The following CTSZ variants were observed in gnomAD, a reference collection of about 807,000 sequenced individuals.
CTSZ encodes the protein carboxypeptidase LB.
CTSZ carries 39 observed loss-of-function variants against 32.4 expected under a neutral mutation model. That is an observed-to-expected ratio of 1.20 (90% CI 0.93 to 1.57). CTSZ has a LOEUF of 1.57. Among genes scored for constraint, CTSZ ranks in the 40% most tolerant of loss-of-function variants. The pLI is 0.00. For missense variants in CTSZ, 397 were observed against 419.6 expected (o/e 0.95, Z 0.47); for synonymous variants, 168 against 170.1 (o/e 0.99, Z 0.10).
chr20:59,007,149 G>GTCCCGCTCCGGA lies in CTSZ; in HGVS notation c.-33_-22dup, dbSNP rs772812232. On this transcript the variant is annotated 5_prime_UTR_variant, in exon 1 of 6. Transcript: ENST00000217131. ...GCCATGGCCCCGCGCCGGCTCCTGG[G>GTCCCGCTCCGGA]TCCCGCTCCGGATCCCGCTCCGAGT... 5.7e-5 allele frequency: 75 copies of GTCCCGCTCCGGA among 1,326,402 alleles called. No homozygotes were observed. The highest frequency in any genetic ancestry group is 6.7e-5 in the Non-Finnish European group (70 of 1,046,666). The allele number at this position is 1,326,402 out of a possible 1,614,324, so 82.2% of individuals were successfully genotyped here. A position where few individuals can be genotyped will look rare whatever the true frequency, so the allele number is the denominator to read the frequency against.
At chr20:58,996,910 A>G (rs1483737114) in intron 4 of CTSZ, 109 bp from the exon 5 acceptor site, 6 of 1,266,088 alleles carry the variant, frequency 4.7e-6, no homozygotes, top group Non-Finnish European at 5.5e-6. Flanking sequence ...TAATTCCAGC[A>G]CTTTGGGAGG....
rs370129546 is a variant in CTSZ, at chr20:58,995,736, G to A, written c.825C>T (p.Ile275=). 9.3e-6 allele frequency: 15 copies of A among 1,614,078 alleles called. No individual in the cohort carries two copies. In the African/African-American group the frequency reaches 1.3e-4, roughly 14 times the overall value. ...TCCCATCCTTATAGGTGCTGGTCAC[G>A]ATCCTCAGCCAGCCTCTCTCGCCCT... ...EPWGERGWLR[I]VTSTYKDGKG... The change falls in exon 6 of 6, where the codon ATC becomes ATT. Residue 275 remains isoleucine, a synonymous_variant. Transcript: ENST00000217131.
At chr20:59,003,006 G>A (rs949922156) in intron 2 of CTSZ, among the ~76,000 whole-genome samples, 2 of 152,024 alleles carry the variant, frequency 1.3e-5, no homozygotes, top group Non-Finnish European at 2.9e-5. Flanking sequence ...ACAGTGCCCC[G>A]ACCCCTACTG....
rs1270547774 is a variant in CTSZ, at chr20:59,004,677, A to G, written c.307+1645T>C. On this transcript the variant is annotated intron_variant, in intron 2 of 5. Coordinates refer to ENST00000217131, the MANE Select transcript of CTSZ (RefSeq NM_001336.4). This position sits in a 1 kb window ranked among gnomAD's most constrained non-coding sequence, Gnocchi z 5.6. ...CAGTTGATCCTGGGGGAGAGGAGGGAAGACAAATGGAGGACCTGCTGCCTT... is the reference window on the plus strand; with the variant it reads ...CAGTTGATCCTGGGGGAGAGGAGGGGAGACAAATGGAGGACCTGCTGCCTT... Among the ~76,000 whole-genome samples the G allele has an allele frequency of 6.6e-6, 1 of 151,922 alleles. No individual in the cohort carries two copies. The highest frequency in any genetic ancestry group is 1.5e-5 in the Non-Finnish European group (1 of 67,948).
chr20:59,002,054 C>G lies in CTSZ; in HGVS notation c.308-410G>C, dbSNP rs926014302. Among the ~76,000 whole-genome samples the G allele has an allele frequency of 1.3e-5, 2 of 152,272 alleles. No homozygotes were observed. Among genetic ancestry groups the G allele is most frequent in the African/African-American group, 4.8e-5 (2 of 41,476 alleles). ...AGCCAGGAGAGACCGTCCCTGCCCT[C>G]GTGGACAGGGGGCCAAGGTGTCAGC... On this transcript the variant is annotated intron_variant, in intron 2 of 5. Coordinates refer to ENST00000217131, the MANE Select transcript of CTSZ (RefSeq NM_001336.4). This position sits in a 1 kb window ranked among gnomAD's most constrained non-coding sequence, Gnocchi z 4.1.
Position 58,995,657 on chromosome 20 carries a change from T to C in CTSZ, c.904A>G (p.Ile302Val). 5 of 1,614,054 alleles carry C rather than the reference T, an allele frequency of 3.1e-6. No homozygotes were observed. The highest frequency in any genetic ancestry group is 4.2e-6 in the Non-Finnish European group (5 of 1,179,942). ...IEEHCTFGDPIV is the reference protein window; with the variant it reads ...IEEHCTFGDPVV ...CTTCTAGTGACATGGCCTTAAACGA[T>C]GGGGTCCCCAAATGTACAGTGCTCC... The change falls in exon 6 of 6, where the codon ATC becomes GTC. Residue 302 changes from isoleucine to valine, a missense_variant. Transcript: ENST00000217131.
chr20:58,996,491 C>T, intron 5 of CTSZ, 148 bp downstream of exon 5: 1 of 808,892 alleles, frequency 1.2e-6, no homozygotes, highest in South Asian at 1.6e-5. Context: ...CCCCAAAAGC[C>T]ACTCGCGCGG....
At chr20:58,997,832 TCC>T in intron 3 of CTSZ, 79 bp from the exon 4 acceptor site, 1 of 1,319,426 alleles carries the variant, frequency 7.6e-7, no homozygotes, top group Admixed American at 2.2e-5. Context: ...AAGCCCACTC[TCC>T]ACTCTCATCA....
chr20:59,004,850 GTCCCCTGGGGAA>G lies in CTSZ; in HGVS notation c.307+1460_307+1471del, dbSNP rs1322348054. Among the ~76,000 whole-genome samples the G allele has an allele frequency of 1.3e-5, 2 of 152,026 alleles. No individual in the cohort carries two copies. Among genetic ancestry groups the G allele is most frequent in the Admixed American group, 6.5e-5 (1 of 15,272 alleles). ...TGAAGCAGTCATCCGCCCAGAGAGA[GTCCCCTGGGGAA>G]ATGCGGCAGGGCTGACCCCTGGCCA... is the stretch of plus-strand genomic sequence containing the variant. On this transcript the variant is annotated intron_variant, in intron 2 of 5. Coordinates refer to ENST00000217131, the MANE Select transcript of CTSZ (RefSeq NM_001336.4). The surrounding 1 kb of genome is among the most constrained non-coding windows in gnomAD (Gnocchi z 5.6).
rs987867587 is a variant in CTSZ at position 59,007,183 on chromosome 20, C to T, written c.-55G>A. On this transcript the variant is annotated 5_prime_UTR_variant, in exon 1 of 6. Transcript: ENST00000217131. ...CGGATCCCGCTCCGAGTCCCAGATC[C>T]CGCGCCGGCTCCCGCTCTGGATCCC... The T allele has an allele frequency of 5.4e-6, 7 of 1,297,382 alleles. No homozygotes were observed. The highest frequency in any genetic ancestry group is 5.8e-6 in the Non-Finnish European group (6 of 1,030,124). 80.4% of individuals were successfully genotyped at this position (1,297,382 alleles called of 1,614,324 possible).
rs772171555 is a variant in CTSZ at position 58,996,761 on chromosome 20, C to T, written c.679G>A (p.Gly227Arg). 6.3e-5 allele frequency: 102 copies of T among 1,614,170 alleles called. 1 individual carries two copies. In the East Asian group the frequency reaches 1.4e-3, roughly 23 times the overall value. The change falls in exon 5 of 6, where the codon GGA becomes AGA. Residue 227 changes from glycine to arginine, a missense_variant. Physicochemically the swap from Gly to Arg is moderately radical, Grantham distance 125. Coordinates refer to ENST00000217131, the MANE Select transcript of CTSZ (RefSeq NM_001336.4). ...TCCTGGTATTCGGCATAGATGCCTCCGGTGTAGTTAGCCAGTCTTTCTGTT... is the reference window on the plus strand; with the variant it reads ...TCCTGGTATTCGGCATAGATGCCTCTGGTGTAGTTAGCCAGTCTTTCTGTT... ...MATERLANYT[G>R]GIYAEYQDTT...
chr20:58,995,752 C>T lies in CTSZ; in HGVS notation c.809G>A (p.Arg270Lys). ...RNSWGEPWGE[R>K]GWLRIVTSTY... ...GCTGGTCACGATCCTCAGCCAGCCT[C>T]TCTCGCCCTGTGAGAAGTGGGATCG... Residue 270 changes from arginine (R) to lysine (K), a missense_variant, in exon 6 of 6, where the codon AGA becomes AAA. Transcript: ENST00000217131. 1 of 1,614,100 alleles carries T rather than the reference C, an allele frequency of 6.2e-7. No homozygotes were observed. Among genetic ancestry groups the T allele is most frequent in the Non-Finnish European group, 8.5e-7 (1 of 1,179,990 alleles).
chr20:58,996,046 C>G (rs377446554), intron 5 of CTSZ, among the ~76,000 whole-genome samples: 1 of 152,240 alleles, frequency 6.6e-6, no homozygotes, highest in African/African-American at 2.4e-5. Flanking sequence ...CCAGCTACTA[C>G]TACCCCCATT....
intron 3 of CTSZ, among the ~76,000 whole-genome samples, chr20:59,000,469 A>G (rs2091884158): frequency 6.6e-6 from 1 of 152,230 alleles, no homozygotes; most frequent in Non-Finnish European, 1.5e-5. Flanking sequence ...GAGCAGCCTG[A>G]AAGGAATGTG....
rs201081465 is a variant in CTSZ at position 58,997,692 on chromosome 20, C to A, written c.549G>T (p.Arg183=). 2 of 1,610,758 alleles carry A rather than the reference C, an allele frequency of 1.2e-6. No individual in the cohort carries two copies. Among genetic ancestry groups the A allele is most frequent in the Admixed American group, 1.7e-5 (1 of 59,464 alleles). Residue 183 remains arginine (R), a synonymous_variant, in exon 4 of 6, where the codon CGG becomes CGT. Transcript: ENST00000217131. ...CTCCCACCCTCCAGAGGGTGTAGTTCCGGATGGCGTGGCACTCTTTGAATT... is the reference window on the plus strand; with the variant it reads ...CTCCCACCCTCCAGAGGGTGTAGTTACGGATGGCGTGGCACTCTTTGAATT... The part of the protein sequence containing the change: ...CNEFKECHAI[R]NYTLWRVGDY...
intron 2 of CTSZ, 22 bp from the exon 3 acceptor site, chr20:59,001,666 A>C (rs2146364084): frequency 6.2e-7 from 1 of 1,606,844 alleles, no homozygotes; most frequent in East Asian, 2.2e-5. Context: ...AGCACCTGCC[A>C]GTCAGCACTC....
chr20:58,997,037 G>A (rs1418747110), intron 4 of CTSZ, among the ~76,000 whole-genome samples: 1 of 151,870 alleles, frequency 6.6e-6, no homozygotes, highest in Non-Finnish European at 1.5e-5. Context: ...TGCGCCAGTA[G>A]TCCCAGCTAC....
At chr20:58,997,296 G>A (rs1033195992) in intron 4 of CTSZ, 6 of 267,792 alleles carry the variant, frequency 2.2e-5, no homozygotes, top group East Asian at 7.5e-5. Flanking sequence ...CTGCCCCCTC[G>A]GTACAGCTTG....
Position 58,995,637 on chromosome 20 carries a change from A to G in CTSZ, c.*12T>C, listed in dbSNP as rs1459148596. The stretch of plus-strand genomic sequence containing the variant: ...ATGCCTTTTCTTAAACTGCGCTTCT[A>G]GTGACATGGCCTTAAACGATGGGGT... On this transcript the variant is annotated 3_prime_UTR_variant, in exon 6 of 6. Transcript: ENST00000217131. 6.2e-7 allele frequency: 1 copy of G among 1,611,680 alleles called. No individual in the cohort carries two copies. Among genetic ancestry groups the G allele is most frequent in the Non-Finnish European group, 8.5e-7 (1 of 1,177,894 alleles).
Sources: gnomAD v4.1 joint callset for allele counts (sites outside exome capture counted in the v4.1 genomes callset) on GRCh38, gnomAD v4.1.1 for gene constraint, Gnocchi (gnomAD v3.1) non-coding constraint, MANE v1.5 for transcripts, NCBI Gene and HGNC (gene_info 2026-07-23, HGNC 2026-07-21) for gene names.